FLT3: variants seen among roughly 807,000 people sequenced by gnomAD.
FLT3 encodes the protein fms related receptor tyrosine kinase 3.
Under a neutral mutation model 126.6 loss-of-function variants are expected in FLT3, and 46 were observed. That is an observed-to-expected ratio of 0.36 (90% CI 0.29 to 0.46). The LOEUF (loss-of-function observed/expected upper bound fraction) is 0.46, where lower values mean the gene tolerates loss of function less well. Among genes scored for constraint, FLT3 ranks in the 20% least tolerant of loss-of-function variants. The probability of loss-of-function intolerance (pLI) is 1.00; values close to 1 mark genes in which losing one functional copy is unlikely to be tolerated. For synonymous variants in FLT3, 404 were observed against 434.4 expected (o/e 0.93, Z 0.87); for missense variants, 1,069 against 1,190.3 (o/e 0.90, Z 1.50).
At chr13:28,074,912 G>T (rs1238949850) in intron 1 of FLT3, among the ~76,000 whole-genome samples, 6 of 152,134 alleles carry the variant, frequency 3.9e-5, no homozygotes, top group Admixed American at 3.9e-4. Context: ...GGGATTACAG[G>T]TGTGAGCCAC....
intron 1 of FLT3, among the ~76,000 whole-genome samples, chr13:28,099,106 A>T: frequency 6.8e-6 from 1 of 147,550 alleles, no homozygotes; most frequent in Non-Finnish European, 1.5e-5. Flanking sequence ...ATTTAGAAAT[A>T]TCTGGAGAGA....
chr13:28,079,681 C>A (rs1464842003), intron 1 of FLT3, among the ~76,000 whole-genome samples: 3 of 152,026 alleles, frequency 2.0e-5, no homozygotes, highest in African/African-American at 7.2e-5. Flanking sequence ...GAGGAAGAAG[C>A]AAAAGCAAAA....
rs983986427 is a variant in FLT3, at chr13:28,003,965, T to C, written c.*87A>G. On this transcript the variant is annotated 3_prime_UTR_variant, in exon 24 of 24. Transcript: ENST00000241453. Reference sequence around the variant, plus strand: ...GCAGCAGTTGATAATAGATTTTCTTTTAGTGATGAAATTAATCTTGTTTTG... The same window carrying C: ...GCAGCAGTTGATAATAGATTTTCTTCTAGTGATGAAATTAATCTTGTTTTG... 4.3e-5 allele frequency: 64 copies of C among 1,475,622 alleles called. No homozygotes were observed. Among genetic ancestry groups the C allele is most frequent in the Non-Finnish European group, 5.9e-5 (63 of 1,061,678 alleles). The allele number at this position is 1,475,622 out of a possible 1,614,324, so 91.4% of individuals were successfully genotyped here.
chr13:28,089,147 C>T (rs969433571), intron 1 of FLT3, among the ~76,000 whole-genome samples: 2 of 152,304 alleles, frequency 1.3e-5, no homozygotes, highest in East Asian at 3.9e-4. Flanking sequence ...CCACAGTACA[C>T]ATTGCTACAC....
intron 20 of FLT3, among the ~76,000 whole-genome samples, chr13:28,018,152 A>G (rs1419274163): frequency 6.6e-6 from 1 of 152,236 alleles, no homozygotes; most frequent in Non-Finnish European, 1.5e-5. Context: ...TATAGCTAGG[A>G]TAACTGAACT....
intron 23 of FLT3, among the ~76,000 whole-genome samples, chr13:28,008,974 A>G (rs1871146165): frequency 1.3e-5 from 2 of 151,736 alleles, no homozygotes; most frequent in African/African-American, 2.4e-5. Context: ...TTCAATTTTT[A>G]TTTATTTATT....
At chr13:28,033,259 G>A (rs1345977809) in intron 15 of FLT3, among the ~76,000 whole-genome samples, 1 of 150,984 alleles carries the variant, frequency 6.6e-6, no homozygotes, top group Non-Finnish European at 1.5e-5. Context: ...TATGATCACA[G>A]CACTCTAGCC....
intron 1 of FLT3, among the ~76,000 whole-genome samples, chr13:28,089,721 A>C (rs988025869): frequency 6.7e-6 from 1 of 149,768 alleles, no homozygotes; most frequent in Non-Finnish European, 1.5e-5. Flanking sequence ...GGTTGACTAC[A>C]GAAGGGCATG....
chr13:28,015,014 A>G lies in FLT3; in HGVS notation c.2753+143T>C. On this transcript the variant is annotated intron_variant, in intron 22 of 23. Coordinates refer to ENST00000241453, the MANE Select transcript of FLT3 (RefSeq NM_004119.3). ...AGTTTGAGACCAGCCTGGCCAACAC[A>G]GCAAGACCTCACTTCTATTTTTTAA... The G allele has an allele frequency of 4.9e-6, 3 of 609,018 alleles. No homozygotes were observed. The South Asian group carries it at 6.2e-5, about 13-fold the overall frequency. The allele number at this position is 609,018 out of a possible 1,614,324, so 37.7% of individuals were successfully genotyped here. A position where few individuals can be genotyped will look rare whatever the true frequency, so the allele number is the denominator to read the frequency against.
chr13:28,095,340 A>C (rs540159030), intron 1 of FLT3, among the ~76,000 whole-genome samples: 20 of 152,082 alleles, frequency 1.3e-4, no homozygotes, highest in African/African-American at 4.8e-4. Flanking sequence ...CAGTGGCATG[A>C]TCTCGGCTCA....
At chr13:28,062,263 A>C (rs1275564330) in intron 2 of FLT3, among the ~76,000 whole-genome samples, 194 bp from the exon 3 acceptor site, 1 of 152,164 alleles carries the variant, frequency 6.6e-6, no homozygotes, top group East Asian at 1.9e-4. Flanking sequence ...AAAGATAAAT[A>C]ACATTGGGCT....
intron 9 of FLT3, among the ~76,000 whole-genome samples, chr13:28,045,164 C>G (rs1874742110): frequency 6.6e-6 from 1 of 152,180 alleles, no homozygotes; most frequent in South Asian, 2.1e-4. Flanking sequence ...CAGCCCACTA[C>G]ATTGGCCCAT....
chr13:28,014,883 GTTTTC>G (rs947275844), intron 22 of FLT3, among the ~76,000 whole-genome samples: 3 of 152,160 alleles, frequency 2.0e-5, no homozygotes, highest in Non-Finnish European at 4.4e-5. Flanking sequence ...AAAACAAAGA[GTTTTC>G]TTTTCTTTTT....
chr13:28,099,085 A>G (rs796482108), intron 1 of FLT3, among the ~76,000 whole-genome samples: 26 of 151,850 alleles, frequency 1.7e-4, no homozygotes, highest in African/African-American at 6.0e-4. Flanking sequence ...ACTGTGTGCC[A>G]ATTATACTTC....
intron 1 of FLT3, among the ~76,000 whole-genome samples, chr13:28,088,943 T>C (rs1222587881): frequency 1.3e-5 from 2 of 152,052 alleles, no homozygotes; most frequent in African/African-American, 4.8e-5. Context: ...TTTGATGATA[T>C]ACATGTGAAA....
chr13:28,093,227 C>CA, intron 1 of FLT3, among the ~76,000 whole-genome samples: 1 of 143,370 alleles, frequency 7.0e-6, no homozygotes, highest in South Asian at 2.2e-4. Flanking sequence ...CACCTGGCCT[C>CA]TTTTTTTTTT....
In FLT3 at chr13:28,033,152, CA is replaced by C. The variant is rs755989941; in HGVS notation, c.1942+734del. 2.0e-3 allele frequency among the ~76,000 whole-genome samples: 271 copies of C among 138,188 alleles called. 3 individuals carry two copies. Among genetic ancestry groups the C allele is most frequent in the Middle Eastern group, 3.8e-3 (1 of 262 alleles). The allele number at this position is 138,188 out of a possible 152,430, so 90.7% of individuals were successfully genotyped here. On this transcript the variant is annotated intron_variant, in intron 15 of 23. Coordinates refer to ENST00000241453, the MANE Select transcript of FLT3 (RefSeq NM_004119.3). ...GCAATATGGTGAGACACCGTATCTA[CA>C]AAAAAAAAAAAAAATTAGCCAATTG...
intron 1 of FLT3, chr13:28,073,417 A>C (rs1877703932): frequency 2.2e-6 from 1 of 445,576 alleles, no homozygotes; most frequent in Non-Finnish European, 4.4e-6. Context: ...GACAGGAGGT[A>C]ATATATGTGT....
chr13:28,085,145 C>T (rs931683551), intron 1 of FLT3, among the ~76,000 whole-genome samples: 6 of 151,708 alleles, frequency 4.0e-5, no homozygotes, highest in Non-Finnish European at 8.8e-5. Flanking sequence ...GAGTTCAAGA[C>T]CAGCCTGGCC....
Sources: allele counts gnomAD v4.1 joint callset (sites outside exome capture counted in the v4.1 genomes callset), GRCh38; gene constraint gnomAD v4.1.1; transcripts MANE v1.5; gene names NCBI Gene and HGNC (gene_info 2026-07-23, HGNC 2026-07-21).